The following LRRTM4 variants were observed in gnomAD, a reference collection of about 807,000 sequenced individuals.
LRRTM4 encodes leucine-rich repeat transmembrane neuronal protein 4.
In LRRTM4, 25 loss-of-function variants were observed where a neutral mutation model predicts 47.6. That is an observed-to-expected ratio of 0.53 (90% CI 0.38 to 0.73). The LOEUF is 0.73. Among genes scored for constraint, LRRTM4 ranks in the 30% least tolerant of loss-of-function variants. The pLI is 0.00. For synonymous variants in LRRTM4, 311 were observed against 269.5 expected (o/e 1.15, Z -1.51); for missense variants, 638 against 713.4 (o/e 0.89, Z 1.20).
chr2:77,071,479 T>C (rs1320695847), intron 3 of LRRTM4, among the ~76,000 whole-genome samples: 1 of 152,160 alleles, frequency 6.6e-6, no homozygotes, highest in Non-Finnish European at 1.5e-5. Flanking sequence ...AAACTCTCAA[T>C]ATTTTAAGTG....
At chr2:77,482,108 C>G (rs528252006) in intron 3 of LRRTM4, among the ~76,000 whole-genome samples, 1 of 152,186 alleles carries the variant, frequency 6.6e-6, no homozygotes, top group East Asian at 1.9e-4. Context: ...TATGCTTGTC[C>G]TGAGCTTCAA....
chr2:77,094,814 C>T (rs1246915286), intron 3 of LRRTM4, among the ~76,000 whole-genome samples: 2 of 152,052 alleles, frequency 1.3e-5, no homozygotes, highest in African/African-American at 4.8e-5. Context: ...ATGTAAGACC[C>T]CAAATTGCAA....
intron 3 of LRRTM4, among the ~76,000 whole-genome samples, chr2:77,191,100 G>A (rs1008625252): frequency 2.6e-5 from 4 of 152,002 alleles, no homozygotes; most frequent in African/African-American, 9.7e-5. Context: ...TTCTAGCACT[G>A]TAAGTTTTTA....
Position 76,759,734 on chromosome 2 carries a change from C to A in LRRTM4, c.1552-10818G>T, listed in dbSNP as rs556197821. Among the ~76,000 whole-genome samples the A allele has an allele frequency of 3.2e-3, 490 of 152,122 alleles. 5 individuals carry two copies. Among genetic ancestry groups the A allele is most frequent in the African/African-American group, 0.011 (473 of 41,494 alleles). The stretch of plus-strand genomic sequence containing the variant: ...TACTTGGACTTTTGTATTCACTATT[C>A]TCTTTGCCTGGGATCTCCTTCCCCT... On this transcript the variant is annotated intron_variant, in intron 3 of 3. Transcript: ENST00000409884.
intron 3 of LRRTM4, among the ~76,000 whole-genome samples, chr2:76,940,914 G>C (rs1425966858): frequency 6.6e-6 from 1 of 152,162 alleles, no homozygotes; most frequent in Non-Finnish European, 1.5e-5. Flanking sequence ...AGGCTAGCAA[G>C]TGAACATTTG....
intron 3 of LRRTM4, among the ~76,000 whole-genome samples, chr2:77,152,292 C>A (rs184672278): frequency 6.6e-6 from 1 of 152,174 alleles, no homozygotes; most frequent in Admixed American, 6.5e-5. Flanking sequence ...GGTGCACTAC[C>A]CACTTGATGT....
In LRRTM4 at chr2:77,042,715, T is replaced by C. The variant is rs944518412; in HGVS notation, c.1552-293799A>G. On this transcript the variant is annotated intron_variant, in intron 3 of 3. Coordinates refer to ENST00000409884, the MANE Select transcript of LRRTM4 (RefSeq NM_001134745.3). ...ATATTGTATAATTTAACATTACTAA[T>C]GAAGTGTTTCTAAACCTATATTCAT... 1.1e-4 allele frequency among the ~76,000 whole-genome samples: 16 copies of C among 151,762 alleles called. No individual in the cohort carries two copies. In the Admixed American group the frequency reaches 1.1e-3, roughly 10 times the overall value.
intron 3 of LRRTM4, among the ~76,000 whole-genome samples, chr2:77,299,371 A>G (rs1046774665): frequency 3.3e-5 from 5 of 151,374 alleles, no homozygotes; most frequent in African/African-American, 2.4e-5. Flanking sequence ...GTGTGTATAT[A>G]TATACGTATA....
At chr2:76,980,320 T>C (rs1000762620) in intron 3 of LRRTM4, among the ~76,000 whole-genome samples, 10 of 152,096 alleles carry the variant, frequency 6.6e-5, no homozygotes, top group African/African-American at 2.4e-4. Context: ...CCCTGTAGCA[T>C]TGTAACAAGT....
At chr2:77,427,408 CT>C (rs1388321715) in intron 3 of LRRTM4, among the ~76,000 whole-genome samples, 1 of 152,164 alleles carries the variant, frequency 6.6e-6, no homozygotes, top group Admixed American at 6.5e-5. Flanking sequence ...ATTAATTCTA[CT>C]TTTATGTAAA....
rs184590046 is a variant in LRRTM4 at position 77,042,722 on chromosome 2, T to C, written c.1552-293806A>G. 2.0e-5 allele frequency among the ~76,000 whole-genome samples: 3 copies of C among 151,824 alleles called. No homozygotes were observed. The Admixed American group carries it at 2.0e-4, about 10-fold the overall frequency. ...ATAATTTAACATTACTAATGAAGTG[T>C]TTCTAAACCTATATTCATCAAGAGC... On this transcript the variant is annotated intron_variant, in intron 3 of 3. Transcript: ENST00000409884.
At chr2:76,908,627 T>C (rs1387391482) in intron 3 of LRRTM4, among the ~76,000 whole-genome samples, 3 of 152,180 alleles carry the variant, frequency 2.0e-5, no homozygotes, top group Non-Finnish European at 4.4e-5. Flanking sequence ...CTTAAGCTGA[T>C]AAGCAACTTC....
At chr2:77,417,902 AAAGTAT>A (rs1452950311) in intron 3 of LRRTM4, among the ~76,000 whole-genome samples, 3 of 152,170 alleles carry the variant, frequency 2.0e-5, no homozygotes, top group Admixed American at 1.3e-4. Flanking sequence ...CCTAAAACTT[AAAGTAT>A]AATAAAAAAA....
chr2:76,760,489 T>C (rs1041456154), intron 3 of LRRTM4, among the ~76,000 whole-genome samples: 71 of 152,250 alleles, frequency 4.7e-4, no homozygotes, highest in African/African-American at 1.6e-3. Context: ...CAGCAAGAGA[T>C]AGACTGCTGG....
chr2:77,333,735 G>A (rs896748000), intron 3 of LRRTM4, among the ~76,000 whole-genome samples: 2 of 152,194 alleles, frequency 1.3e-5, no homozygotes, highest in East Asian at 1.9e-4. Flanking sequence ...TGGGATTGGA[G>A]CCCCCACACA....
chr2:77,114,102 A>T (rs369464309), intron 3 of LRRTM4, among the ~76,000 whole-genome samples: 2 of 152,050 alleles, frequency 1.3e-5, no homozygotes, highest in Admixed American at 6.5e-5. Context: ...AAGCTGAGGA[A>T]GAGGTAGAGG....
chr2:77,337,317 C>G (rs571248744), intron 3 of LRRTM4, among the ~76,000 whole-genome samples: 1 of 151,978 alleles, frequency 6.6e-6, no homozygotes, highest in Non-Finnish European at 1.5e-5. Context: ...CCAAATTTAA[C>G]GCTATTCCTT....
rs557133028 is a variant in LRRTM4 at position 76,833,657 on chromosome 2, T to C, written c.1552-84741A>G. On this transcript the variant is annotated intron_variant, in intron 3 of 3. Coordinates refer to ENST00000409884, the MANE Select transcript of LRRTM4 (RefSeq NM_001134745.3). ...AAATACATATTTGTAAAATTCTAAA[T>C]TGTTATTCTTTAAAGTTATTTTACT... 3.3e-5 allele frequency among the ~76,000 whole-genome samples: 5 copies of C among 151,958 alleles called. No homozygotes were observed. In the South Asian group the frequency reaches 1.0e-3, roughly 31 times the overall value.
intron 3 of LRRTM4, among the ~76,000 whole-genome samples, chr2:76,769,393 T>C (rs1673589265): frequency 3.3e-5 from 5 of 152,172 alleles, no homozygotes; most frequent in Admixed American, 3.3e-4. Flanking sequence ...GCTTTTGCCT[T>C]AGTCTGTGTT....
Sources: gnomAD v4.1 joint callset for allele counts (sites outside exome capture counted in the v4.1 genomes callset) on GRCh38, gnomAD v4.1.1 for gene constraint, MANE v1.5 for transcripts, NCBI Gene and HGNC (gene_info 2026-07-23, HGNC 2026-07-21) for gene names.